CCDC171: variants seen among roughly 807,000 people sequenced by gnomAD.
CCDC171 encodes the protein coiled-coil domain-containing protein 171.
Under a neutral mutation model 168.2 loss-of-function variants are expected in CCDC171, and 177 were observed. The observed-to-expected ratio is 1.05, with a 90% confidence interval of 0.93 to 1.19. CCDC171 has a LOEUF of 1.19. CCDC171 is among the 50% of genes most tolerant of loss of function. CCDC171 has a pLI of 0.00. For missense variants in CCDC171, 1,991 were observed against 1,539.0 expected, an observed-to-expected ratio of 1.29 and a Z score of -4.91; for synonymous variants, 687 against 540.8, an observed-to-expected ratio of 1.27 and a Z score of -3.75.
At chr9:15,628,859 C>T (rs1193808337) in intron 7 of CCDC171, among the ~76,000 whole-genome samples, 1 of 152,192 alleles carries the variant, frequency 6.6e-6, no homozygotes, top group East Asian at 1.9e-4. Context: ...CAGACAGCAG[C>T]ATTAACGGTT....
the CCDC171 span, among the ~76,000 whole-genome samples, chr9:16,104,286 C>T: frequency 6.6e-6 from 1 of 152,048 alleles, no homozygotes; most frequent in Admixed American, 6.5e-5. Context: ...CCTCCCCCTC[C>T]CCACGGCTCA....
intron 25 of CCDC171, among the ~76,000 whole-genome samples, chr9:15,941,065 A>G (rs1589190331): frequency 6.6e-6 from 1 of 152,072 alleles, no homozygotes. Context: ...ATAGCCTTCC[A>G]TGCCACTTAA....
chr9:15,920,547 T>A (rs984108629), intron 25 of CCDC171, 125 bp downstream of exon 25: 6 of 661,962 alleles, frequency 9.1e-6, no homozygotes, highest in African/African-American at 3.7e-5. Flanking sequence ...ATCAATCAAG[T>A]GACATAAAAT....
At chr9:15,965,399 G>A (rs1479555072) in intron 25 of CCDC171, among the ~76,000 whole-genome samples, 1 of 152,170 alleles carries the variant, frequency 6.6e-6, no homozygotes, top group African/African-American at 2.4e-5. Flanking sequence ...GGGCAACATG[G>A]TAAGGTAATG....
chr9:15,635,125 G>A (rs546130756), intron 7 of CCDC171, among the ~76,000 whole-genome samples: 1 of 152,238 alleles, frequency 6.6e-6, no homozygotes, highest in South Asian at 2.1e-4. Context: ...AGGGGAGTTT[G>A]TTAGGAGAAT....
chr9:15,996,662 A>G (rs1832383594), intron 3 of CCDC171, among the ~76,000 whole-genome samples: 1 of 152,110 alleles, frequency 6.6e-6, no homozygotes. Flanking sequence ...AACAATGTTT[A>G]GTATAATCTC....
the CCDC171 span, among the ~76,000 whole-genome samples, chr9:16,094,812 G>A: frequency 7.2e-5 from 11 of 152,200 alleles, no homozygotes; most frequent in Non-Finnish European, 1.5e-4. Context: ...AAAGCAGTGT[G>A]ATAGATTTGG....
intron 10 of CCDC171, among the ~76,000 whole-genome samples, chr9:15,693,056 G>C (rs2050936457): frequency 6.6e-6 from 1 of 151,982 alleles, no homozygotes; most frequent in Non-Finnish European, 1.5e-5. Context: ...AGAATCGCTT[G>C]AACCTGGGAG....
At chr9:15,868,443 G>T (rs1405869407) in intron 23 of CCDC171, among the ~76,000 whole-genome samples, 3 of 151,678 alleles carry the variant, frequency 2.0e-5, no homozygotes, top group Non-Finnish European at 4.4e-5. Context: ...TGCTACACAG[G>T]TAACTTGTTT....
chr9:15,633,110 G>T (rs924813696), intron 7 of CCDC171, among the ~76,000 whole-genome samples: 3 of 152,150 alleles, frequency 2.0e-5, no homozygotes, highest in African/African-American at 7.2e-5. Flanking sequence ...ACATAGGCAT[G>T]GGCAAGGACT....
At chr9:15,620,310 A>G (rs1446018804) in intron 6 of CCDC171, among the ~76,000 whole-genome samples, 1 of 152,208 alleles carries the variant, frequency 6.6e-6, no homozygotes, top group Middle Eastern at 3.2e-3. Context: ...AGATGCCCTT[A>G]AGACCATTTG....
chr9:15,566,268 G>A (rs1428781891), intron 2 of CCDC171, among the ~76,000 whole-genome samples: 1 of 151,750 alleles, frequency 6.6e-6, no homozygotes, highest in Non-Finnish European at 1.5e-5. Flanking sequence ...TCAGATACAT[G>A]ATTTGCTGGC....
At chr9:15,825,401 C>G (rs192294250) in intron 21 of CCDC171, among the ~76,000 whole-genome samples, 1 of 152,084 alleles carries the variant, frequency 6.6e-6, no homozygotes, top group Non-Finnish European at 1.5e-5. Context: ...AATAATGTAA[C>G]CACTATAAAG....
chr9:15,943,187 T>C (rs1178764278), intron 25 of CCDC171, among the ~76,000 whole-genome samples: 1 of 152,062 alleles, frequency 6.6e-6, no homozygotes, highest in African/African-American at 2.4e-5. Context: ...CTGATATATT[T>C]AATTCAGTGA....
At chr9:15,600,416 G>T (rs978430809) in intron 6 of CCDC171, among the ~76,000 whole-genome samples, 1 of 152,164 alleles carries the variant, frequency 6.6e-6, no homozygotes, top group African/African-American at 2.4e-5. Context: ...GACCCTGTTT[G>T]CCTGGGTATC....
At chr9:15,676,595 T>C (rs1289350112) in intron 9 of CCDC171, among the ~76,000 whole-genome samples, 1 of 152,146 alleles carries the variant, frequency 6.6e-6, no homozygotes, top group Admixed American at 6.6e-5. Flanking sequence ...CCCTTTAACA[T>C]CATCCTTGGA....
intron 6 of CCDC171, among the ~76,000 whole-genome samples, chr9:15,602,411 C>G (rs1213173816): frequency 3.3e-5 from 5 of 149,520 alleles, no homozygotes; most frequent in Non-Finnish European, 4.5e-5. Flanking sequence ...CAGTGAAACC[C>G]CATCTTTAAT....
chr9:16,055,707 C>T (rs1261326745), intron 1 of CCDC171, among the ~76,000 whole-genome samples: 1 of 152,308 alleles, frequency 6.6e-6, no homozygotes, highest in Non-Finnish European at 1.5e-5. Flanking sequence ...CTGAACATAG[C>T]CCTAAAGTAG....
chr9:15,780,737 C>T (rs945303280), intron 20 of CCDC171, among the ~76,000 whole-genome samples: 1 of 152,068 alleles, frequency 6.6e-6, no homozygotes, highest in Non-Finnish European at 1.5e-5. Flanking sequence ...TACATGTATG[C>T]ACTTAAAGTA....
Sources: gnomAD v4.1 joint callset for allele counts (sites outside exome capture counted in the v4.1 genomes callset) on GRCh38, gnomAD v4.1.1 for gene constraint, MANE v1.5 for transcripts, NCBI Gene and HGNC (gene_info 2026-07-23, HGNC 2026-07-21) for gene names.